SLIT1: variants seen among roughly 807,000 people sequenced by gnomAD.
The protein encoded by SLIT1 is slit guidance ligand 1, also known as slit homolog 1 protein.
Under a neutral mutation model 186.1 loss-of-function variants are expected in SLIT1, and 66 were observed. That is an observed-to-expected ratio of 0.35 (90% CI 0.29 to 0.44). The LOEUF (loss-of-function observed/expected upper bound fraction) is 0.44. Among genes scored for constraint, SLIT1 ranks in the 20% least tolerant of loss-of-function variants. The pLI is 1.00. For synonymous variants in SLIT1, 761 were observed against 833.8 expected (o/e 0.91, Z 1.50); for missense variants, 1,638 against 2,037.4 (o/e 0.80, Z 3.77).
At chr10:97,031,862 G>T (rs1177621427) in intron 23 of SLIT1, among the ~76,000 whole-genome samples, 185 bp from the exon 24 acceptor site, 1 of 152,258 alleles carries the variant, frequency 6.6e-6, no homozygotes, top group African/African-American at 2.4e-5. Context: ...TCTTGGGCAT[G>T]CCCCCTAATC....
intron 1 of SLIT1, among the ~76,000 whole-genome samples, chr10:97,182,987 C>T (rs1354141938): frequency 2.0e-5 from 3 of 148,942 alleles, no homozygotes; most frequent in African/African-American, 7.4e-5. Context: ...AAAAAAAAGA[C>T]GTCTGCAAGA....
chr10:96,998,122 G>C lies in SLIT1; in HGVS notation c.*2990C>G, dbSNP rs139328415. The C allele has an allele frequency of 6.6e-6, 1 of 152,254 alleles. No homozygotes were observed. Among genetic ancestry groups the C allele is most frequent in the Non-Finnish European group, 1.5e-5 (1 of 68,072 alleles). The allele number at this position is 152,254 out of a possible 1,614,324, so 9.4% of individuals were successfully genotyped here. On this transcript the variant is annotated 3_prime_UTR_variant, in exon 37 of 37. Coordinates refer to ENST00000266058, the MANE Select transcript of SLIT1 (RefSeq NM_003061.3). ...AAACAATACTTCCAGGGCAGGTGCA[G>C]CTCCCTCATGGGCCTGTTCTAAACC...
At chr10:97,114,684 A>T (rs1849494459) in intron 4 of SLIT1, among the ~76,000 whole-genome samples, 1 of 152,166 alleles carries the variant, frequency 6.6e-6, no homozygotes, top group Non-Finnish European at 1.5e-5. Context: ...AGTCCAAAGT[A>T]GGTGATGGAG....
chr10:97,034,494 G>A lies in SLIT1; in HGVS notation c.2415C>T (p.Thr805=). The stretch of plus-strand genomic sequence containing the variant: ...ACAGAGTGGTCAGCTGGCTCATGTT[G>A]GTGAAGGAGGAATTGCTTAAGGAAC... ...KISSLSNSSF[T]NMSQLTTLIL... is the part of the protein sequence containing the mutation. The change falls in exon 23 of 37, where the codon ACC becomes ACT. Residue 805 remains threonine, a synonymous_variant. Coordinates refer to ENST00000266058, the MANE Select transcript of SLIT1 (RefSeq NM_003061.3). 6.2e-7 allele frequency: 1 copy of A among 1,613,578 alleles called. No homozygotes were observed. The highest frequency in any genetic ancestry group is 1.1e-5 in the South Asian group (1 of 91,060).
intron 4 of SLIT1, among the ~76,000 whole-genome samples, chr10:97,119,116 CG>C (rs1374724403): frequency 6.6e-6 from 1 of 152,194 alleles, no homozygotes; most frequent in East Asian, 1.9e-4. Flanking sequence ...GCTTGGGAAA[CG>C]GGTGTCTGGC....
rs1258544191 is a variant in SLIT1 at position 97,042,026 on chromosome 10, A to G, written c.2164+875T>C. ...AATAAAATATATATGTAAATAGTAT[A>G]GACTCTTTTTTAAATTTTAGAAGTC... On this transcript the variant is annotated intron_variant, in intron 20 of 36. Transcript: ENST00000266058. 2.6e-5 allele frequency among the ~76,000 whole-genome samples: 4 copies of G among 152,198 alleles called. No individual in the cohort carries two copies. The South Asian group carries it at 6.2e-4, about 24-fold the overall frequency.
chr10:97,075,447 G>A (rs1275318404), intron 4 of SLIT1, among the ~76,000 whole-genome samples: 2 of 152,328 alleles, frequency 1.3e-5, no homozygotes, highest in Non-Finnish European at 1.5e-5. Context: ...GAGTCAGGAG[G>A]CTGAGGCTCA....
intron 25 of SLIT1, among the ~76,000 whole-genome samples, chr10:97,023,354 C>T (rs1486704461): frequency 6.6e-6 from 1 of 151,930 alleles, no homozygotes; most frequent in Non-Finnish European, 1.5e-5. Flanking sequence ...GTTTGAGCCA[C>T]TGCACCTGGC....
At chr10:97,156,700 G>C (rs746218628) in intron 4 of SLIT1, among the ~76,000 whole-genome samples, 2 of 152,138 alleles carry the variant, frequency 1.3e-5, no homozygotes, top group African/African-American at 2.4e-5. Context: ...AATCAGAGGA[G>C]ACAAAATCAA....
intron 1 of SLIT1, among the ~76,000 whole-genome samples, chr10:97,171,036 C>A (rs1460066126): frequency 2.0e-5 from 3 of 152,064 alleles, no homozygotes. Flanking sequence ...AGAGGCTCAC[C>A]CTTCCTGCAG....
At chr10:97,016,194 A>G (rs1295337273) in intron 28 of SLIT1, among the ~76,000 whole-genome samples, 3 of 152,048 alleles carry the variant, frequency 2.0e-5, no homozygotes, top group African/African-American at 7.2e-5. Flanking sequence ...CTGTAGTCCC[A>G]GCTACTCGGG....
intron 13 of SLIT1, among the ~76,000 whole-genome samples, chr10:97,055,840 A>G (rs1359986481): frequency 1.3e-5 from 2 of 152,240 alleles, no homozygotes; most frequent in East Asian, 3.8e-4. Context: ...TGTACTATCA[A>G]TAAAGAACAA....
chr10:97,076,264 C>T (rs1009849535), intron 4 of SLIT1, among the ~76,000 whole-genome samples: 1 of 152,176 alleles, frequency 6.6e-6, no homozygotes, highest in Non-Finnish European at 1.5e-5. Context: ...GAGTCCCAGC[C>T]CTGGCTCCCT....
chr10:97,060,144 T>C lies in SLIT1; in HGVS notation c.956A>G (p.Asn319Ser). The C allele has an allele frequency of 6.2e-7, 1 of 1,614,106 alleles. No homozygotes were observed. The highest frequency in any genetic ancestry group is 8.5e-7 in the Non-Finnish European group (1 of 1,179,960). Residue 319 changes from asparagine (N) to serine (S), a missense_variant, in exon 10 of 37, where the codon AAC (asparagine) becomes AGC (serine). Around this residue, in one of 3 missense-constraint regions of SLIT1, gnomAD observed 1,245 missense variants for 1,535.3 expected, o/e 0.81. Coordinates refer to ENST00000266058, the MANE Select transcript of SLIT1 (RefSeq NM_003061.3). ...TCCAGGAGGGATGGACTTGATGCCG[T>C]TCAGCTCCAGGCGTCTGCGGGGAGA... ...ETMTEIRLELNGIKSIPPGAF... is the reference protein window; with the variant it reads ...ETMTEIRLELSGIKSIPPGAF...
chr10:97,021,454 G>T lies in SLIT1; in HGVS notation c.2583-41C>A. 1 of 1,581,838 alleles carries T rather than the reference G, an allele frequency of 6.3e-7. No individual in the cohort carries two copies. Among genetic ancestry groups the T allele is most frequent in the Non-Finnish European group, 8.6e-7 (1 of 1,160,058 alleles). On this transcript the variant is annotated intron_variant, in intron 25 of 36. Coordinates refer to ENST00000266058, the MANE Select transcript of SLIT1 (RefSeq NM_003061.3). The surrounding 1 kb of genome is among the most constrained non-coding windows in gnomAD (Gnocchi z 4.5). Reference sequence around the variant, plus strand: ...AGAGAAGCAGGCATTACAGCTTCATGGGGTCCCTCGCCCACTGGGAACCTA... The same window carrying T: ...AGAGAAGCAGGCATTACAGCTTCATTGGGTCCCTCGCCCACTGGGAACCTA...
intron 30 of SLIT1, among the ~76,000 whole-genome samples, chr10:97,013,126 T>C (rs1589362742): frequency 1.3e-5 from 2 of 152,340 alleles, no homozygotes; most frequent in Non-Finnish European, 1.5e-5. Flanking sequence ...CAATGCATAT[T>C]ATACAACCTG....
At chr10:97,124,831 C>T (rs1849590473) in intron 4 of SLIT1, among the ~76,000 whole-genome samples, 1 of 152,198 alleles carries the variant, frequency 6.6e-6, no homozygotes, top group Non-Finnish European at 1.5e-5. Context: ...CACTTACCCG[C>T]TGTGCGACCC....
intron 22 of SLIT1, among the ~76,000 whole-genome samples, chr10:97,036,822 T>C (rs1464614081): frequency 6.6e-6 from 1 of 152,206 alleles, no homozygotes; most frequent in African/African-American, 2.4e-5. Context: ...GAGCTGAACT[T>C]ATTATCCTGA....
At chr10:97,047,607 G>T in intron 16 of SLIT1, 83 bp downstream of exon 16, 1 of 1,400,670 alleles carries the variant, frequency 7.1e-7, no homozygotes, top group Non-Finnish European at 9.9e-7. Context: ...GACAGGGCTG[G>T]ACCAAGAAAA....
Sources: gnomAD v4.1 joint callset for allele counts (sites outside exome capture counted in the v4.1 genomes callset) on GRCh38, gnomAD v4.1.1 for gene constraint, gnomAD v4.1.1 regional missense constraint, Gnocchi (gnomAD v3.1) non-coding constraint, MANE v1.5 for transcripts, NCBI Gene and HGNC (gene_info 2026-07-23, HGNC 2026-07-21) for gene names.